The following NAV2 variants were observed in gnomAD, a reference collection of about 807,000 sequenced individuals.
NAV2 encodes the protein neuron navigator 2, also known as helicase, APC down-regulated 1.
NAV2 carries 54 observed loss-of-function variants against 223.2 expected under a neutral mutation model. That is an observed-to-expected ratio of 0.24 (90% confidence interval 0.19 to 0.30). The LOEUF (loss-of-function observed/expected upper bound fraction) is 0.30. Among genes scored for constraint, NAV2 ranks in the 10% least tolerant of loss-of-function variants. The pLI is 1.00. For missense variants in NAV2, 2,806 were observed against 3,147.5 expected, an observed-to-expected ratio of 0.89 and a Z score of 2.60; for synonymous variants, 1,279 against 1,239.3, an observed-to-expected ratio of 1.03 and a Z score of -0.67.
At chr11:19,664,504 A>G (rs1311041929) in intron 1 of NAV2, among the ~76,000 whole-genome samples, 1 of 152,224 alleles carries the variant, frequency 6.6e-6, no homozygotes, top group African/African-American at 2.4e-5. Context: ...AGCTTAATTT[A>G]GAGCCATTTA....
At position 19,983,576 on chromosome 11, in the gene NAV2, C is replaced by T. The variant is rs147212463; in HGVS notation, c.2646-549C>T. Among the ~76,000 whole-genome samples, 16 of 152,252 alleles carry T rather than the reference C, an allele frequency of 1.1e-4. No individual in the cohort carries two copies. In the East Asian group the frequency reaches 2.9e-3, roughly 28 times the overall value. On this transcript the variant is annotated intron_variant, in intron 10 of 37. Transcript: ENST00000349880. ...TGTGATATTCCCACATGTCACAGGC[C>T]GTGATAGTCCTATAGCCTGGGTGAA... is the stretch of plus-strand genomic sequence containing the variant.
chr11:19,505,941 T>A (rs1220568807), intron 1 of NAV2: 1 of 152,174 alleles, frequency 6.6e-6, no homozygotes, highest in Non-Finnish European at 1.5e-5. Flanking sequence ...CCTTGATGGC[T>A]ATTATGTCAC....
chr11:20,112,000 G>C lies in NAV2; in HGVS notation c.6961-2592G>C, dbSNP rs142467072. Among the ~76,000 whole-genome samples, 329 of 152,340 alleles carry C rather than the reference G, an allele frequency of 2.2e-3. 1 individual carries two copies. The highest frequency in any genetic ancestry group is 7.7e-3 in the African/African-American group (320 of 41,576). On this transcript the variant is annotated intron_variant, in intron 36 of 37. Coordinates refer to ENST00000349880, the MANE Select transcript of NAV2 (RefSeq NM_145117.5). ...GTCCTCATCCAGGCTGTAGAGTGGA[G>C]ACAGAAGCAGTAGCTGTCACAGAAG...
chr11:19,589,895 C>T (rs1166884935), intron 1 of NAV2, among the ~76,000 whole-genome samples: 1 of 152,200 alleles, frequency 6.6e-6, no homozygotes, highest in Non-Finnish European at 1.5e-5. Context: ...GAAGAAGCAT[C>T]CAAGAGGGCA....
chr11:19,926,655 CA>C (rs1378523577), intron 6 of NAV2, among the ~76,000 whole-genome samples: 8 of 142,776 alleles, frequency 5.6e-5, no homozygotes, highest in Non-Finnish European at 1.1e-4. Flanking sequence ...AAAAAAAAAA[CA>C]AAAAAAACTA....
rs1216599621 is a variant in NAV2 at position 19,984,212 on chromosome 11, A to G, written c.2733A>G (p.Gln911=). The G allele has an allele frequency of 6.2e-7, 1 of 1,614,104 alleles. No homozygotes were observed. Among genetic ancestry groups the G allele is most frequent in the Non-Finnish European group, 8.5e-7 (1 of 1,180,044 alleles). The change falls in exon 11 of 38, where the codon CAA becomes CAG. Residue 911 remains glutamine (Q), a synonymous_variant. Transcript: ENST00000349880. ...DGMAVVRETL[Q]RNTSLGLGDA... is the part of the protein sequence containing the mutation. ...TGGCTGTGGTACGGGAGACCCTGCA[A>G]CGAAATACCTCCCTGGGCCTCGGAG... is the stretch of plus-strand genomic sequence containing the variant.
At chr11:19,552,905 G>C (rs570423102) in intron 1 of NAV2, among the ~76,000 whole-genome samples, 7 of 151,854 alleles carry the variant, frequency 4.6e-5, no homozygotes, top group East Asian at 1.9e-4. Context: ...GGGGGGGAAG[G>C]GGGGGAGCTG....
intron 8 of NAV2, among the ~76,000 whole-genome samples, chr11:19,943,040 T>C (rs1565609727): frequency 6.6e-6 from 1 of 152,170 alleles, no homozygotes; most frequent in Non-Finnish European, 1.5e-5. Flanking sequence ...CAATATGTCA[T>C]TAATAGAGTG....
chr11:19,397,550 G>C (rs67807274), intron 1 of NAV2, among the ~76,000 whole-genome samples: 1 of 151,928 alleles, frequency 6.6e-6, no homozygotes, highest in Admixed American at 6.6e-5. Flanking sequence ...AGCTGGGTAG[G>C]GGAGGAGGTA....
intron 1 of NAV2, among the ~76,000 whole-genome samples, chr11:19,755,230 C>A (rs1407444930): frequency 6.6e-6 from 1 of 152,232 alleles, no homozygotes; most frequent in East Asian, 1.9e-4. Flanking sequence ...CTAATATCTT[C>A]ATTTTACAGA....
intron 1 of NAV2, among the ~76,000 whole-genome samples, chr11:19,525,303 A>G (rs1368649908): frequency 2.6e-5 from 4 of 152,168 alleles, no homozygotes; most frequent in African/African-American, 9.7e-5. Flanking sequence ...CCCCTTTCCT[A>G]CACCATGTTT....
intron 8 of NAV2, among the ~76,000 whole-genome samples, chr11:19,941,736 C>A (rs929122412): frequency 5.3e-5 from 8 of 152,074 alleles, no homozygotes; most frequent in African/African-American, 1.7e-4. Flanking sequence ...ATCTTTCAGC[C>A]TCTGCTTGAA....
At chr11:19,756,253 T>C (rs539677859) in intron 1 of NAV2, among the ~76,000 whole-genome samples, 28 of 152,256 alleles carry the variant, frequency 1.8e-4, no homozygotes, top group Admixed American at 1.7e-3. Flanking sequence ...TATGCTTAAA[T>C]TATTGCTATA....
intron 1 of NAV2, among the ~76,000 whole-genome samples, chr11:19,522,041 G>T (rs2043674416): frequency 6.6e-6 from 1 of 152,158 alleles, no homozygotes; most frequent in African/African-American, 2.4e-5. Context: ...GCCCTTTTGG[G>T]GCCACATTTT....
chr11:19,658,085 T>C (rs1015059361), intron 1 of NAV2, among the ~76,000 whole-genome samples: 8 of 152,330 alleles, frequency 5.3e-5, no homozygotes, highest in Middle Eastern at 3.4e-3. Flanking sequence ...AAACAATAAA[T>C]ATATTTTACT....
chr11:19,619,956 T>A (rs2046933709), intron 1 of NAV2, among the ~76,000 whole-genome samples: 1 of 152,214 alleles, frequency 6.6e-6, no homozygotes, highest in Non-Finnish European at 1.5e-5. Context: ...AAGGAAGGGA[T>A]CCAGTTTCAG....
chr11:20,017,681 T>C lies in NAV2; in HGVS notation c.2769-18278T>C, dbSNP rs1591677163. On this transcript the variant is annotated intron_variant, in intron 11 of 37. Coordinates refer to ENST00000349880, the MANE Select transcript of NAV2 (RefSeq NM_145117.5). ...GCAAAGGTTTTGCATTGACTATTTGTTGAATGTTGTTCATTTTCTACCCCA... is the reference window on the plus strand; with the variant it reads ...GCAAAGGTTTTGCATTGACTATTTGCTGAATGTTGTTCATTTTCTACCCCA... 2.0e-5 allele frequency among the ~76,000 whole-genome samples: 3 copies of C among 152,350 alleles called. No individual in the cohort carries two copies. The East Asian group carries it at 5.8e-4, about 29-fold the overall frequency.
At chr11:20,077,515 C>A in intron 22 of NAV2, 37 bp from the exon 23 acceptor site, 1 of 1,518,622 alleles carries the variant, frequency 6.6e-7, no homozygotes, top group Non-Finnish European at 9.1e-7. Flanking sequence ...TCTTGCCTTG[C>A]AAGGTAATAT....
In NAV2 at chr11:20,081,134, G is replaced by A. The variant is rs559588624; in HGVS notation, c.5325+925G>A. Among the ~76,000 whole-genome samples the A allele has an allele frequency of 3.2e-4, 49 of 152,314 alleles. 1 individual carries two copies. The highest frequency in any genetic ancestry group is 1.1e-3 in the African/African-American group (47 of 41,566). ...ATGGGTGGCGAGGTCTAGTGATACA[G>A]ACATCAGGGGTTTAGTAATTTTGGT... On this transcript the variant is annotated intron_variant, in intron 25 of 37. Transcript: ENST00000349880.
Sources: allele counts gnomAD v4.1 joint callset (sites outside exome capture counted in the v4.1 genomes callset), GRCh38; gene constraint gnomAD v4.1.1; transcripts MANE v1.5; gene names NCBI Gene and HGNC (gene_info 2026-07-23, HGNC 2026-07-21).